The following SFI1 variants were observed in gnomAD, a reference collection of about 807,000 sequenced individuals.
The protein encoded by SFI1 is SFI1 centrin binding protein, also known as protein SFI1 homolog.
SFI1 carries 195 observed loss-of-function variants against 207.5 expected under a neutral mutation model. That is an observed-to-expected ratio of 0.94 (90% confidence interval 0.84 to 1.06). The LOEUF is 1.06. Among genes scored for constraint, SFI1 ranks in the 50% least tolerant of loss-of-function variants. The probability of loss-of-function intolerance (pLI) is 0.00; values close to 1 mark genes in which losing one functional copy is unlikely to be tolerated. For synonymous variants in SFI1, 630 were observed against 598.9 expected, an observed-to-expected ratio of 1.05 and a Z score of -0.76; for missense variants, 1,634 against 1,588.0, an observed-to-expected ratio of 1.03 and a Z score of -0.49.
intron 2 of SFI1, among the ~76,000 whole-genome samples, chr22:31,527,733 G>T (rs890439995): frequency 1.2e-4 from 19 of 152,148 alleles, no homozygotes; most frequent in African/African-American, 4.6e-4. Context: ...CCACCCCTTT[G>T]GGGGGTTGAG....
intron 4 of SFI1, among the ~76,000 whole-genome samples, chr22:31,542,464 C>T (rs995679887): frequency 2.0e-5 from 3 of 151,564 alleles, no homozygotes; most frequent in Non-Finnish European, 4.4e-5. Context: ...CCCATCTCTA[C>T]TAAAAATACA....
chr22:31,540,289 T>C (rs1316358033), intron 4 of SFI1, among the ~76,000 whole-genome samples: 1 of 151,206 alleles, frequency 6.6e-6, no homozygotes. Context: ...TATTTTTATT[T>C]TATTTTATTT....
At chr22:31,580,207 A>T in intron 11 of SFI1, 65 bp from the exon 12 acceptor site, 1 of 1,306,170 alleles carries the variant, frequency 7.7e-7, no homozygotes, top group Non-Finnish European at 1.1e-6. Context: ...GCCTTCCTCT[A>T]CTCTTAGTTT....
intron 2 of SFI1, among the ~76,000 whole-genome samples, chr22:31,527,728 C>A (rs2058068302): frequency 6.6e-6 from 1 of 152,048 alleles, no homozygotes; most frequent in African/African-American, 2.4e-5. Flanking sequence ...TAATGCCACC[C>A]CTTTGGGGGG....
chr22:31,523,337 C>T (rs1038383229), intron 2 of SFI1, among the ~76,000 whole-genome samples: 1 of 152,204 alleles, frequency 6.6e-6, no homozygotes, highest in African/African-American at 2.4e-5. Flanking sequence ...TCTCACCCAC[C>T]TTCAGTGTAA....
chr22:31,498,259 C>G (rs1025439644), intron 1 of SFI1, among the ~76,000 whole-genome samples: 1 of 148,142 alleles, frequency 6.8e-6, no homozygotes, highest in African/African-American at 2.5e-5. Flanking sequence ...TGCGCCATTG[C>G]ACTCCAGCCT....
chr22:31,602,836 C>G lies in SFI1; in HGVS notation c.1805+51C>G, dbSNP rs750773207. ...GCCTTTCCATCACAGGCCAGCTTTGCTTGTTCTAGCAGCACCATGAGCTCC... is the reference window on the plus strand; with the variant it reads ...GCCTTTCCATCACAGGCCAGCTTTGGTTGTTCTAGCAGCACCATGAGCTCC... On this transcript the variant is annotated intron_variant, in intron 17 of 32. Coordinates refer to ENST00000400288, the MANE Select transcript of SFI1 (RefSeq NM_001007467.3). 20 of 1,580,070 alleles carry G rather than the reference C, an allele frequency of 1.3e-5. No homozygotes were observed. The East Asian group carries it at 4.3e-4, about 34-fold the overall frequency.
chr22:31,591,327 C>T (rs1908812059), intron 15 of SFI1, among the ~76,000 whole-genome samples: 1 of 152,180 alleles, frequency 6.6e-6, no homozygotes, highest in Admixed American at 6.5e-5. Context: ...AGGAATTTTT[C>T]TTAGTGCAGA....
intron 11 of SFI1, among the ~76,000 whole-genome samples, chr22:31,579,580 G>T (rs2063870851): frequency 6.6e-6 from 1 of 152,210 alleles, no homozygotes; most frequent in Non-Finnish European, 1.5e-5. Context: ...CTCCCAAAGT[G>T]CTGGGATTAC....
intron 6 of SFI1, among the ~76,000 whole-genome samples, chr22:31,551,148 C>T (rs1252372976): frequency 6.6e-6 from 1 of 152,066 alleles, no homozygotes. Flanking sequence ...CATTAATCTC[C>T]CTCATTTATT....
chr22:31,542,067 C>G (rs1321607307), intron 4 of SFI1, among the ~76,000 whole-genome samples: 1 of 148,248 alleles, frequency 6.7e-6, no homozygotes, highest in Non-Finnish European at 1.5e-5. Context: ...CACCACTGCA[C>G]TCCAGCCTGG....
chr22:31,593,991 G>GCA, intron 15 of SFI1, among the ~76,000 whole-genome samples: 2 of 69,066 alleles, frequency 2.9e-5, no homozygotes, highest in Non-Finnish European at 8.0e-5. Context: ...CGGAGACGAG[G>GCA]GAGAGGGAGA....
intron 10 of SFI1, among the ~76,000 whole-genome samples, chr22:31,576,265 T>C (rs2063487775): frequency 6.6e-6 from 1 of 151,596 alleles, no homozygotes; most frequent in Non-Finnish European, 1.5e-5. Context: ...CTTCAGGTGA[T>C]CCACCCACCT....
At position 31,602,618 on chromosome 22, in the gene SFI1, C is replaced by T. The variant is rs375948975; in HGVS notation, c.1638C>T (p.His546=). The T allele has an allele frequency of 1.7e-5, 27 of 1,614,022 alleles. No individual in the cohort carries two copies. The highest frequency in any genetic ancestry group is 2.2e-5 in the East Asian group (1 of 44,888). The part of the protein sequence containing the change: ...NRLAERMAIL[H]AERQLLYRSW... ...CTGTCCTGCCTCAGGCCATCCTTCACGCAGAGCGACAGCTTCTGTATAGGT... is the reference window on the plus strand; with the variant it reads ...CTGTCCTGCCTCAGGCCATCCTTCATGCAGAGCGACAGCTTCTGTATAGGT... Residue 546 remains histidine, a synonymous_variant, in exon 17 of 33, where the codon CAC becomes CAT. Coordinates refer to ENST00000400288, the MANE Select transcript of SFI1 (RefSeq NM_001007467.3).
intron 8 of SFI1, among the ~76,000 whole-genome samples, chr22:31,572,495 C>T (rs948469792): frequency 5.3e-5 from 8 of 151,866 alleles, no homozygotes; most frequent in African/African-American, 1.9e-4. Flanking sequence ...GTTTCTGCTC[C>T]TTGTCTGCTT....
chr22:31,597,567 G>T (rs571273526), intron 15 of SFI1, among the ~76,000 whole-genome samples: 1 of 152,206 alleles, frequency 6.6e-6, no homozygotes, highest in South Asian at 2.1e-4. Flanking sequence ...GAGATGATGT[G>T]GTCATAGTCT....
chr22:31,508,953 GTCATCTATTT>G (rs1211546426), intron 2 of SFI1, among the ~76,000 whole-genome samples: 1 of 152,060 alleles, frequency 6.6e-6, no homozygotes, highest in African/African-American at 2.4e-5. Flanking sequence ...TTTTTAGTAT[GTCATCTATTT>G]TCTTGTGACC....
Position 31,607,952 on chromosome 22 carries a change from C to T in SFI1, c.2173C>T (p.Arg725Trp), listed in dbSNP as rs1027884417. ...CTGCCCATAGGTCCTGGTCCAGTGGCGGGAAGCTGTGTCAGTGCAGATGTA... is the reference window on the plus strand; with the variant it reads ...CTGCCCATAGGTCCTGGTCCAGTGGTGGGAAGCTGTGTCAGTGCAGATGTA... ...TICSKVLVQW[R>W]EAVSVQMYYR... The change falls in exon 22 of 33, where the codon CGG (arginine) becomes TGG (tryptophan). Residue 725 changes from arginine (R) to tryptophan (W), a missense_variant. By Grantham distance (101) the Arg-to-Trp change is moderately radical (BLOSUM62 -3). Transcript: ENST00000400288. 32 of 1,613,640 alleles carry T rather than the reference C, an allele frequency of 2.0e-5. No individual in the cohort carries two copies. Among genetic ancestry groups the T allele is most frequent in the African/African-American group, 5.3e-5 (4 of 75,000 alleles).
intron 12 of SFI1, 120 bp from the exon 13 acceptor site, chr22:31,583,755 T>C (rs2064653564): frequency 2.2e-5 from 18 of 820,546 alleles, no homozygotes; most frequent in Non-Finnish European, 3.3e-5. Context: ...CCACTGTATG[T>C]TGGCTGCTCC....
Sources: allele counts gnomAD v4.1 joint callset (sites outside exome capture counted in the v4.1 genomes callset), GRCh38; gene constraint gnomAD v4.1.1; transcripts MANE v1.5; gene names NCBI Gene and HGNC (gene_info 2026-07-23, HGNC 2026-07-21).